The following SYNJ2 variants were observed in gnomAD, a reference collection of about 807,000 sequenced individuals.
The protein encoded by SYNJ2 is polyphosphatidylinositol phosphatase SYNJ2.
Under a neutral mutation model 141.3 loss-of-function variants are expected in SYNJ2, and 116 were observed. That is an observed-to-expected ratio of 0.82 (90% CI 0.71 to 0.96). The LOEUF is 0.96. SYNJ2 is among the 40% of genes least tolerant of loss of function. SYNJ2 has a pLI of 0.00. For missense variants in SYNJ2, 1,873 were observed against 1,934.8 expected (o/e 0.97, Z 0.60); for synonymous variants, 745 against 777.7 (o/e 0.96, Z 0.70).
rs1777050009 is a variant in SYNJ2, at chr6:157,982,438, T to G, written c.127+350T>G. 6.6e-6 allele frequency among the ~76,000 whole-genome samples: 1 copy of G among 152,216 alleles called. No individual in the cohort carries two copies. The highest frequency in any genetic ancestry group is 6.5e-5 in the Admixed American group (1 of 15,288). ...GCCTGACCCTGTGCCTGGCGCCTTT[T>G]CTTTTGCACCTGTTGATGAAACCAG... is the stretch of plus-strand genomic sequence containing the variant. On this transcript the variant is annotated intron_variant, in intron 1 of 26. Transcript: ENST00000355585. The surrounding 1 kb of genome is among the most constrained non-coding windows in gnomAD (Gnocchi z 4.0).
At chr6:157,983,069 A>C (rs766348780) in intron 1 of SYNJ2, among the ~76,000 whole-genome samples, 1 of 152,232 alleles carries the variant, frequency 6.6e-6, no homozygotes, top group Non-Finnish European at 1.5e-5. Flanking sequence ...TAGCTAAACA[A>C]GGTGCAGCCC....
chr6:158,069,829 A>T (rs1781804475), intron 14 of SYNJ2, among the ~76,000 whole-genome samples, 156 bp downstream of exon 14: 1 of 152,126 alleles, frequency 6.6e-6, no homozygotes, highest in Non-Finnish European at 1.5e-5. Context: ...CCTAGGAAAA[A>T]CTGGGCTGAA....
At position 158,076,829 on chromosome 6, in the gene SYNJ2, A is replaced by AT. The variant is rs1421125723; in HGVS notation, c.2449+47_2449+48insT. 4 of 1,565,180 alleles carry AT rather than the reference A, an allele frequency of 2.6e-6. No homozygotes were observed. In the Admixed American group the frequency reaches 7.6e-5, roughly 30 times the overall value. On this transcript the variant is annotated intron_variant, in intron 17 of 26. Coordinates refer to ENST00000355585, the MANE Select transcript of SYNJ2 (RefSeq NM_003898.4). ...GAGAGTCGGCAGAGGGTGAATAAGAAATGCGACGGAGGGAGAGTCACGTTT... is the reference window on the plus strand; with the variant it reads ...GAGAGTCGGCAGAGGGTGAATAAGAATATGCGACGGAGGGAGAGTCACGTTT...
chr6:158,019,002 C>T (rs765202336), intron 2 of SYNJ2, among the ~76,000 whole-genome samples: 1 of 152,240 alleles, frequency 6.6e-6, no homozygotes, highest in Non-Finnish European at 1.5e-5. Context: ...CACTTAGGAA[C>T]TTGTTAACAC....
chr6:158,074,405 C>T (rs1306790360), intron 15 of SYNJ2, among the ~76,000 whole-genome samples, 175 bp from the exon 16 acceptor site: 3 of 152,190 alleles, frequency 2.0e-5, no homozygotes, highest in Non-Finnish European at 4.4e-5. Context: ...GTAAAAATTC[C>T]TCCATAGTTT....
intron 26 of SYNJ2, among the ~76,000 whole-genome samples, chr6:158,094,668 C>T (rs966712158): frequency 6.6e-6 from 1 of 152,006 alleles, no homozygotes; most frequent in African/African-American, 2.4e-5. Flanking sequence ...AAGAGACTTT[C>T]TTTTTTCTTA....
chr6:158,068,592 C>T (rs1583454201), intron 12 of SYNJ2, 55 bp from the exon 13 acceptor site: 16 of 1,601,430 alleles, frequency 1.0e-5, no homozygotes, highest in South Asian at 3.3e-5. Flanking sequence ...CCCATGAACT[C>T]GTAATGCGGG....
At chr6:158,074,443 C>G (rs1300207365) in intron 15 of SYNJ2, 137 bp from the exon 16 acceptor site, 3 of 832,946 alleles carry the variant, frequency 3.6e-6, no homozygotes, top group Non-Finnish European at 5.5e-6. Flanking sequence ...ACAAGATGCT[C>G]TAGTAGAAAA....
chr6:158,070,549 T>C lies in SYNJ2; in HGVS notation c.1940+876T>C. The stretch of plus-strand genomic sequence containing the variant: ...GCAAGGGCGGGGTGAGGGTGAGAGG[T>C]AAAGCATTTGAGAAAGGGCTCAGAG... On this transcript the variant is annotated intron_variant, in intron 14 of 26. Coordinates refer to ENST00000355585, the MANE Select transcript of SYNJ2 (RefSeq NM_003898.4). The surrounding 1 kb of genome is among the most constrained non-coding windows in gnomAD (Gnocchi z 4.0). 1 of 976,006 alleles carries C rather than the reference T, an allele frequency of 1.0e-6. No homozygotes were observed. The highest frequency in any genetic ancestry group is 1.2e-6 in the Non-Finnish European group (1 of 821,520). 60.5% of individuals were successfully genotyped at this position (976,006 alleles called of 1,614,324 possible).
intron 2 of SYNJ2, chr6:158,017,721 T>C: frequency 1.9e-6 from 1 of 529,620 alleles, no homozygotes; most frequent in Non-Finnish European, 3.9e-6. Flanking sequence ...GGCCGACCTC[T>C]CTTCTCTTTT....
chr6:158,083,755 C>T (rs531252690), intron 21 of SYNJ2, among the ~76,000 whole-genome samples, 158 bp downstream of exon 21: 1 of 152,278 alleles, frequency 6.6e-6, no homozygotes, highest in South Asian at 2.1e-4. Context: ...TATGTGTGGA[C>T]GATGCATGCC....
chr6:158,021,944 G>A (rs1030154920), intron 2 of SYNJ2, among the ~76,000 whole-genome samples: 6 of 152,318 alleles, frequency 3.9e-5, no homozygotes, highest in African/African-American at 1.2e-4. Context: ...CTGATTTCAG[G>A]TTCCCAGCGT....
intron 2 of SYNJ2, among the ~76,000 whole-genome samples, chr6:158,022,339 G>A (rs1392631126): frequency 6.6e-6 from 1 of 152,222 alleles, no homozygotes; most frequent in Non-Finnish European, 1.5e-5. Flanking sequence ...CCAGCCCAGA[G>A]CCTTGTGGGA....
intron 5 of SYNJ2, among the ~76,000 whole-genome samples, chr6:158,054,166 T>TATCCATCCATCC (rs762905014): frequency 3.0e-5 from 4 of 134,028 alleles, no homozygotes; most frequent in African/African-American, 1.1e-4. Flanking sequence ...TCCACTCAGC[T>TATCCATCCATCC]ATCCATCCAT....
intron 26 of SYNJ2, 126 bp from the exon 27 acceptor site, chr6:158,095,492 A>C (rs965872501): frequency 3.1e-6 from 4 of 1,284,238 alleles, no homozygotes; most frequent in Non-Finnish European, 4.2e-6. Context: ...CACATTCTCA[A>C]ATCTCGAATT....
At chr6:158,091,173 C>T (rs1399114226) in intron 25 of SYNJ2, among the ~76,000 whole-genome samples, 3 of 151,188 alleles carry the variant, frequency 2.0e-5, no homozygotes, top group South Asian at 2.1e-4. Flanking sequence ...AAAAATTAGC[C>T]GGGCGTGATG....
rs1304538374 is a variant in SYNJ2, at chr6:158,084,207, G to A, written c.3208+33G>A. On this transcript the variant is annotated intron_variant, in intron 22 of 26. Coordinates refer to ENST00000355585, the MANE Select transcript of SYNJ2 (RefSeq NM_003898.4). This position sits in a 1 kb window ranked among gnomAD's most constrained non-coding sequence, Gnocchi z 5.0. Reference sequence around the variant, plus strand: ...GACCCTTCTTTTCTCAGGAGCCTCAGCGATGGAGTCAGCTCAGGACAGACT... The same window carrying A: ...GACCCTTCTTTTCTCAGGAGCCTCAACGATGGAGTCAGCTCAGGACAGACT... 4 of 1,604,228 alleles carry A rather than the reference G, an allele frequency of 2.5e-6. No individual in the cohort carries two copies. The African/African-American group carries it at 5.4e-5, about 22-fold the overall frequency.
chr6:158,045,196 C>G (rs1780172849), intron 5 of SYNJ2, among the ~76,000 whole-genome samples: 1 of 150,924 alleles, frequency 6.6e-6, no homozygotes, highest in East Asian at 1.9e-4. Context: ...CAACATCTGC[C>G]CCCCGAGTTC....
At chr6:158,021,843 C>A (rs544089143) in intron 2 of SYNJ2, among the ~76,000 whole-genome samples, 1 of 152,298 alleles carries the variant, frequency 6.6e-6, no homozygotes, top group African/African-American at 2.4e-5. Context: ...TGGGATATTA[C>A]CAAGAGAGTT....
Sources: allele counts gnomAD v4.1 joint callset (sites outside exome capture counted in the v4.1 genomes callset), GRCh38; gene constraint gnomAD v4.1.1; non-coding constraint Gnocchi (gnomAD v3.1); transcripts MANE v1.5; gene names NCBI Gene and HGNC (gene_info 2026-07-23, HGNC 2026-07-21).